TCF4: variants seen among roughly 807,000 people sequenced by gnomAD.
TCF4 encodes SL3-3 enhancer factor 2.
TCF4 carries 3 observed loss-of-function variants against 82.1 expected under a neutral mutation model. The observed-to-expected ratio is 0.04, with a 90% CI of 0.02 to 0.09. The LOEUF is 0.09. Among genes scored for constraint, TCF4 ranks in the 10% least tolerant of loss-of-function variants. The pLI is 1.00. For missense variants in TCF4, 518 were observed against 852.7 expected, an observed-to-expected ratio of 0.61 and a Z score of 4.89; for synonymous variants, 276 against 309.6, an observed-to-expected ratio of 0.89 and a Z score of 1.14.
intron 3 of TCF4, among the ~76,000 whole-genome samples, chr18:55,584,797 G>A (rs1398756544): frequency 1.3e-5 from 2 of 152,034 alleles, no homozygotes; most frequent in East Asian, 1.9e-4. Context: ...ATTAGCAAGA[G>A]GCTATTTACA....
At chr18:55,554,205 A>G (rs1219311667) in intron 3 of TCF4, among the ~76,000 whole-genome samples, 1 of 152,196 alleles carries the variant, frequency 6.6e-6, no homozygotes, top group Non-Finnish European at 1.5e-5. Flanking sequence ...GGGTAATGCC[A>G]TTCCATTCTG....
chr18:55,517,787 TAAGCAGTA>T (rs2096897395), intron 3 of TCF4, among the ~76,000 whole-genome samples: 1 of 152,132 alleles, frequency 6.6e-6, no homozygotes, highest in Non-Finnish European at 1.5e-5. Context: ...TGTTTAGGTA[TAAGCAGTA>T]AAGCAATGGT....
intron 8 of TCF4, among the ~76,000 whole-genome samples, chr18:55,293,930 A>ATTTTTT (rs1568769774): frequency 1.3e-4 from 3 of 22,652 alleles, no homozygotes; most frequent in Non-Finnish European, 3.4e-4. Flanking sequence ...CTTTCCAAGG[A>ATTTTTT]CTTTTTTTTT....
At chr18:55,343,774 A>G (rs1429570547) in intron 8 of TCF4, among the ~76,000 whole-genome samples, 1 of 152,174 alleles carries the variant, frequency 6.6e-6, no homozygotes, top group Non-Finnish European at 1.5e-5. Context: ...ATAATTAAGT[A>G]TTTAAAACTA....
intron 3 of TCF4, among the ~76,000 whole-genome samples, chr18:55,552,974 T>G (rs1416614259): frequency 6.6e-6 from 1 of 152,190 alleles, no homozygotes; most frequent in Non-Finnish European, 1.5e-5. Context: ...TATTTGCACT[T>G]GCGTACATTA....
chr18:55,631,220 C>A (rs1423080821), intron 2 of TCF4: 2 of 606,882 alleles, frequency 3.3e-6, no homozygotes. Flanking sequence ...CAGCTAATTT[C>A]TGTGTTTTTA....
chr18:55,567,697 A>G (rs1203531211), intron 3 of TCF4, among the ~76,000 whole-genome samples: 2 of 152,054 alleles, frequency 1.3e-5, no homozygotes, highest in Non-Finnish European at 2.9e-5. Flanking sequence ...TGGGAGACAG[A>G]GCGAGACTCC....
At chr18:55,518,864 T>C (rs138126636) in intron 3 of TCF4, 328 of 152,224 alleles carry the variant, frequency 2.2e-3, no homozygotes, top group African/African-American at 7.4e-3. Flanking sequence ...TCCAACATTT[T>C]AACAAGCAGA....
Position 55,222,303 on chromosome 18 carries a change from A to G in TCF4, c.*5732T>C, listed in dbSNP as rs2045976464. ...CCCCCACCCCTTTTCAGTAGTAGTT[A>G]TATGATCAAATATAATACTAAAAGA... On this transcript the variant is annotated 3_prime_UTR_variant, in exon 20 of 20. Transcript: ENST00000354452. The G allele has an allele frequency of 6.6e-6, 1 of 152,236 alleles. No individual in the cohort carries two copies. The highest frequency in any genetic ancestry group is 1.5e-5 in the Non-Finnish European group (1 of 68,040). 9.4% of individuals were successfully genotyped at this position (152,236 alleles called of 1,614,324 possible).
chr18:55,233,456 G>A (rs1258683908), intron 16 of TCF4, among the ~76,000 whole-genome samples: 1 of 152,156 alleles, frequency 6.6e-6, no homozygotes, highest in East Asian at 1.9e-4. Flanking sequence ...TGCTCAGGTT[G>A]TGCTTATGTG....
intron 8 of TCF4, among the ~76,000 whole-genome samples, chr18:55,318,222 T>A (rs1478571525): frequency 6.6e-6 from 1 of 152,150 alleles, no homozygotes; most frequent in East Asian, 1.9e-4. Context: ...TAATCACTTA[T>A]TAAAATTCTT....
At chr18:55,454,611 T>C (rs1285051277) in intron 5 of TCF4, among the ~76,000 whole-genome samples, 1 of 152,172 alleles carries the variant, frequency 6.6e-6, no homozygotes, top group African/African-American at 2.4e-5. Context: ...GAATATCTAT[T>C]TTAGTTAGGC....
intron 2 of TCF4, among the ~76,000 whole-genome samples, chr18:55,621,577 A>G (rs2097719236): frequency 9.9e-6 from 1 of 101,322 alleles, no homozygotes; most frequent in South Asian, 2.5e-4. Flanking sequence ...AATATTATAT[A>G]ATATATATAT....
chr18:55,474,786 T>C (rs2096257242), intron 3 of TCF4, among the ~76,000 whole-genome samples: 2 of 152,174 alleles, frequency 1.3e-5, no homozygotes, highest in African/African-American at 2.4e-5. Flanking sequence ...TTTGTTTGTT[T>C]GTTTTTGAGA....
In TCF4 at chr18:55,224,994, C is replaced by T. The variant is rs2046405651; in HGVS notation, c.*3041G>A. On this transcript the variant is annotated 3_prime_UTR_variant, in exon 20 of 20. Transcript: ENST00000354452. ...CTTCTGCTGAACTTCATTTGAAAAT[C>T]CAGTGCAGGATACCAATATCTTACC... The T allele has an allele frequency of 6.6e-6, 1 of 152,100 alleles. No homozygotes were observed. The highest frequency in any genetic ancestry group is 2.1e-4 in the South Asian group (1 of 4,832). 9.4% of individuals were successfully genotyped at this position (152,100 alleles called of 1,614,324 possible).
At position 55,252,469 on chromosome 18, in the gene TCF4, G is replaced by C. The variant is rs547749562; in HGVS notation, c.1350+2028C>G. 2.6e-5 allele frequency among the ~76,000 whole-genome samples: 4 copies of C among 151,588 alleles called. 1 individual carries two copies. In the East Asian group the frequency reaches 5.8e-4, roughly 22 times the overall value. On this transcript the variant is annotated intron_variant, in intron 15 of 19. Transcript: ENST00000354452. ...CGTTCTATTCAGTCGTCTCACTTTCGGTTCTACTGAGGTCAGTCCAACTTC... is the reference window on the plus strand; with the variant it reads ...CGTTCTATTCAGTCGTCTCACTTTCCGTTCTACTGAGGTCAGTCCAACTTC...
At chr18:55,542,675 T>C (rs946694011) in intron 3 of TCF4, among the ~76,000 whole-genome samples, 1 of 151,966 alleles carries the variant, frequency 6.6e-6, no homozygotes, top group African/African-American at 2.4e-5. Context: ...CACACATATA[T>C]GTACACACAA....
chr18:55,597,092 C>A (rs1262390519), intron 2 of TCF4, among the ~76,000 whole-genome samples: 1 of 152,130 alleles, frequency 6.6e-6, no homozygotes, highest in Non-Finnish European at 1.5e-5. Context: ...GTGCCTGCTT[C>A]CCCTTTGTCT....
At chr18:55,558,767 T>A (rs2097328153) in intron 3 of TCF4, among the ~76,000 whole-genome samples, 1 of 152,126 alleles carries the variant, frequency 6.6e-6, no homozygotes, top group African/African-American at 2.4e-5. Flanking sequence ...TTTGAAAGGA[T>A]GTGATATACT....
Sources: allele counts gnomAD v4.1 joint callset (sites outside exome capture counted in the v4.1 genomes callset), GRCh38; gene constraint gnomAD v4.1.1; transcripts MANE v1.5; gene names NCBI Gene and HGNC (gene_info 2026-07-23, HGNC 2026-07-21).